The following KDM3A variants were observed in gnomAD, a reference collection of about 807,000 sequenced individuals.
The protein encoded by KDM3A is lysine-specific demethylase 3A.
A neutral mutation model predicts 158.0 loss-of-function variants in KDM3A; 60 were observed. The observed-to-expected ratio is 0.38, with a 90% CI of 0.31 to 0.47. The LOEUF (loss-of-function observed/expected upper bound fraction) is 0.47, where lower values mean the gene tolerates loss of function less well. KDM3A is among the 20% of genes least tolerant of loss of function. KDM3A has a pLI of 0.99. For missense variants in KDM3A, 1,319 were observed against 1,574.3 expected, an observed-to-expected ratio of 0.84 and a Z score of 2.74; for synonymous variants, 608 against 549.3, an observed-to-expected ratio of 1.11 and a Z score of -1.49.
At chr2:86,491,475 G>T (rs1674452371) in intron 25 of KDM3A, 200 bp downstream of exon 25, 1 of 586,140 alleles carries the variant, frequency 1.7e-6, no homozygotes, top group Non-Finnish European at 3.0e-6. Context: ...GGTTTGATTT[G>T]ATATTGTTTA....
At chr2:86,440,996 G>A (rs1682668907), upstream of KDM3A, 1 of 152,244 alleles carries the variant, frequency 6.6e-6, no homozygotes, top group Admixed American at 6.5e-5. Context: ...TCGCCATTCA[G>A]TCTTATCTAT....
rs1673073933 is a variant in KDM3A at position 86,464,941 on chromosome 2, C to G, written c.1007+725C>G. ...GGTTCACTGGGAAAAAGTAGTCAGT[C>G]TGGGATAGAGCTTGGAGGATGGCCA... On this transcript the variant is annotated intron_variant, in intron 9 of 25. Transcript: ENST00000312912. Among the ~76,000 whole-genome samples, 4 of 152,130 alleles carry G rather than the reference C, an allele frequency of 2.6e-5. No homozygotes were observed. The South Asian group carries it at 8.3e-4, about 31-fold the overall frequency.
At chr2:86,489,763 T>C in intron 23 of KDM3A, 104 bp downstream of exon 23, 4 of 1,299,854 alleles carry the variant, frequency 3.1e-6, no homozygotes, top group Non-Finnish European at 4.2e-6. Context: ...TGTCACAACC[T>C]GAAAAGTTAA....
chr2:86,456,287 T>G (rs1672691182), intron 5 of KDM3A, 155 bp from the exon 6 acceptor site: 3 of 589,526 alleles, frequency 5.1e-6, no homozygotes, highest in Non-Finnish European at 8.5e-6. Context: ...ATAGCTTTTC[T>G]GAAATGTCAG....
intron 2 of KDM3A, among the ~76,000 whole-genome samples, chr2:86,445,839 C>T (rs749257391): frequency 2.0e-5 from 3 of 152,164 alleles, no homozygotes; most frequent in Non-Finnish European, 4.4e-5. Flanking sequence ...CATAAGAAGA[C>T]ATAAGTGGAA....
Position 86,492,196 on chromosome 2 carries a change from C to T in KDM3A, c.*77C>T, listed in dbSNP as rs1043235304. 14 of 999,602 alleles carry T rather than the reference C, an allele frequency of 1.4e-5. No individual in the cohort carries two copies. The highest frequency in any genetic ancestry group is 1.9e-5 in the Admixed American group (1 of 52,364). The allele number at this position is 999,602 out of a possible 1,614,324, so 61.9% of individuals were successfully genotyped here. On this transcript the variant is annotated 3_prime_UTR_variant, in exon 26 of 26. Transcript: ENST00000312912. ...CAGGATTCCTGTGGACTTTGAGATTCATGTTACCTCATCTTCTTTTTTAAA... is the reference window on the plus strand; with the variant it reads ...CAGGATTCCTGTGGACTTTGAGATTTATGTTACCTCATCTTCTTTTTTAAA...
intron 12 of KDM3A, among the ~76,000 whole-genome samples, chr2:86,476,724 G>A (rs545722228): frequency 2.1e-3 from 317 of 152,340 alleles, no homozygotes; most frequent in Non-Finnish European, 3.9e-3. Context: ...TCATTTGTAA[G>A]ATGCCTAAAG....
Position 86,491,672 on chromosome 2 carries a change from G to C in KDM3A, c.3886-367G>C, listed in dbSNP as rs559653328. The C allele has an allele frequency of 3.6e-5, 11 of 305,246 alleles. No homozygotes were observed. In the South Asian group the frequency reaches 5.0e-4, roughly 14 times the overall value. 18.9% of individuals were successfully genotyped at this position (305,246 alleles called of 1,614,324 possible). A position where few individuals can be genotyped will look rare whatever the true frequency, so the allele number is the denominator to read the frequency against. ...CTCTGAGACTCAAAGAGGTCTGAGG[G>C]GGTGGTATTTTCAAAAGGATTTCAG... On this transcript the variant is annotated intron_variant, in intron 25 of 25. Coordinates refer to ENST00000312912, the MANE Select transcript of KDM3A (RefSeq NM_018433.6).
chr2:86,449,409 A>G (rs1259736082), intron 2 of KDM3A, among the ~76,000 whole-genome samples: 2 of 152,352 alleles, frequency 1.3e-5, no homozygotes, highest in African/African-American at 4.8e-5. Context: ...TATATTGTCA[A>G]TAGACAATTA....
intron 9 of KDM3A, among the ~76,000 whole-genome samples, chr2:86,465,500 T>G (rs561194449): frequency 6.6e-6 from 1 of 152,248 alleles, no homozygotes; most frequent in South Asian, 2.1e-4. Context: ...TTTGAACTCC[T>G]GGGCTCAATT....
Position 86,466,612 on chromosome 2 carries a change from G to A in KDM3A, c.1248G>A (p.Glu416=). Residue 416 remains glutamate (E), a synonymous_variant, in exon 10 of 26, where the codon GAG becomes GAA. Transcript: ENST00000312912. ...VPQALTGLPK[E]CLPTKASSKA... Reference sequence around the variant, plus strand: ...AAGCATTGACTGGCCTTCCTAAGGAGTGCTTACCTACAAAGGCTTCTTCTA... The same window carrying A: ...AAGCATTGACTGGCCTTCCTAAGGAATGCTTACCTACAAAGGCTTCTTCTA... 1 of 1,613,944 alleles carries A rather than the reference G, an allele frequency of 6.2e-7. No individual in the cohort carries two copies. The highest frequency in any genetic ancestry group is 8.5e-7 in the Non-Finnish European group (1 of 1,179,896).
At chr2:86,441,847 C>T (rs1573129823) in intron 1 of KDM3A, 171 bp from the exon 2 acceptor site, 1 of 156,450 alleles carries the variant, frequency 6.4e-6, no homozygotes. Flanking sequence ...GGGTGTGTGG[C>T]GGGGGAGGGC....
At chr2:86,461,920 T>A (rs1314183944) in intron 8 of KDM3A, among the ~76,000 whole-genome samples, 1 of 151,460 alleles carries the variant, frequency 6.6e-6, no homozygotes, top group Non-Finnish European at 1.5e-5. Context: ...GGAGCAGGAG[T>A]GGTAAGGAGA....
intron 17 of KDM3A, 81 bp downstream of exon 17, chr2:86,482,183 T>G (rs1216133957): frequency 6.9e-7 from 1 of 1,452,030 alleles, no homozygotes; most frequent in African/African-American, 1.4e-5. Flanking sequence ...GAACTGAAAG[T>G]AGAAAGGAGA....
chr2:86,463,185 C>G (rs1028325898), intron 8 of KDM3A, among the ~76,000 whole-genome samples: 5 of 152,154 alleles, frequency 3.3e-5, no homozygotes, highest in African/African-American at 1.2e-4. Flanking sequence ...GGAGATTCTT[C>G]AAGTTTAGAT....
At chr2:86,481,409 C>T (rs74620995) in intron 16 of KDM3A, among the ~76,000 whole-genome samples, 1 of 152,136 alleles carries the variant, frequency 6.6e-6, no homozygotes, top group East Asian at 1.9e-4. Flanking sequence ...CCTGCCACCA[C>T]GCCCTGCTAA....
chr2:86,483,469 TC>T (rs1445419537), intron 18 of KDM3A: 1 of 152,496 alleles, frequency 6.6e-6, no homozygotes, highest in Non-Finnish European at 1.5e-5. Flanking sequence ...CGGCAGGCTT[TC>T]TTTCTTGCTT....
At chr2:86,454,474 A>G (rs756797710) in intron 4 of KDM3A, among the ~76,000 whole-genome samples, 4 of 152,184 alleles carry the variant, frequency 2.6e-5, no homozygotes, top group Admixed American at 6.5e-5. Flanking sequence ...AATCTTTACA[A>G]TGTGTCAAAA....
chr2:86,438,071 T>C (rs1471752940), upstream of KDM3A, among the ~76,000 whole-genome samples: 2 of 152,176 alleles, frequency 1.3e-5, no homozygotes, highest in Non-Finnish European at 1.5e-5. Flanking sequence ...TGGGAATTTT[T>C]CTAAAATTTC....
Sources: gnomAD v4.1 joint callset for allele counts (sites outside exome capture counted in the v4.1 genomes callset) on GRCh38, gnomAD v4.1.1 for gene constraint, MANE v1.5 for transcripts, NCBI Gene and HGNC (gene_info 2026-07-23, HGNC 2026-07-21) for gene names.